The following AGXT variants were observed in gnomAD, a reference collection of about 807,000 sequenced individuals.
AGXT encodes L-alanine: glyoxylate aminotransferase 1.
Under a neutral mutation model 46.9 loss-of-function variants are expected in AGXT, and 41 were observed. The ratio of observed to expected loss-of-function variants is 0.88; its 90% CI spans 0.68 to 1.14. AGXT has a LOEUF of 1.14. AGXT is among the 50% of genes most tolerant of loss of function. The pLI, the probability that AGXT is intolerant of heterozygous loss-of-function variation, is 0.00. For missense variants in AGXT, 525 were observed against 522.7 expected, an observed-to-expected ratio of 1.00 and a Z score of -0.04; for synonymous variants, 244 against 227.9, an observed-to-expected ratio of 1.07 and a Z score of -0.64.
At chr2:240,869,454 T>C (rs2058979665) in intron 2 of AGXT, 92 bp downstream of exon 2, 3 of 1,408,382 alleles carry the variant, frequency 2.1e-6, no homozygotes, top group Non-Finnish European at 2.8e-6. Context: ...CCCCCGTTCC[T>C]GGGTGAGCGC....
At chr2:240,870,604 G>T in intron 2 of AGXT, 40 bp from the exon 3 acceptor site, 2 of 1,548,630 alleles carry the variant, frequency 1.3e-6, no homozygotes, top group South Asian at 2.4e-5. Context: ...CTTCTACAGT[G>T]TGTGCGGGAC....
At chr2:240,874,166 T>C in intron 6 of AGXT, 104 bp downstream of exon 6, 3 of 1,139,082 alleles carry the variant, frequency 2.6e-6, no homozygotes, top group South Asian at 1.3e-5. Flanking sequence ...GGGCTCCCCA[T>C]GCTCCTCCAG....
intron 8 of AGXT, 135 bp downstream of exon 8, chr2:240,876,139 G>C (rs2059023727): frequency 9.1e-7 from 1 of 1,095,056 alleles, no homozygotes; most frequent in Middle Eastern, 2.5e-4. Flanking sequence ...AGTGGGGGTG[G>C]GGGAGAGAGG....
Position 240,869,081 on chromosome 2 carries a change from C to T in AGXT, c.165+51C>T, listed in dbSNP as rs775796181. 1.7e-5 allele frequency: 27 copies of T among 1,611,724 alleles called. 1 individual carries two copies. The South Asian group carries it at 2.7e-4, about 16-fold the overall frequency. On this transcript the variant is annotated intron_variant, in intron 1 of 10. Coordinates refer to ENST00000307503, the MANE Select transcript of AGXT (RefSeq NM_000030.3). Reference sequence around the variant, plus strand: ...CCTGGGTCTCACCCATGTTCCCACCCACAGATCGTGGACGAGGGAAGGGGG... The same window carrying T: ...CCTGGGTCTCACCCATGTTCCCACCTACAGATCGTGGACGAGGGAAGGGGG...
In AGXT at chr2:240,869,275, G is replaced by A; in HGVS notation, c.271G>A (p.Val91Ile). The change falls in exon 2 of 11, where the codon GTC becomes ATC. Residue 91 changes from valine to isoleucine, a missense_variant. Transcript: ENST00000307503. ...SGHCALEAAL[V>I]NVLEPGDSFL... ...ACACTGTGCCCTGGAGGCCGCCCTG[G>A]TCAATGTGCTGGAGCCTGGGGACTC... 6.2e-7 allele frequency: 1 copy of A among 1,613,770 alleles called. No individual in the cohort carries two copies.
rs763751076 is a variant in AGXT, at chr2:240,875,132, C to T, written c.704C>T (p.Thr235Met). The change falls in exon 7 of 11, where the codon ACG (threonine) becomes ATG (methionine). Residue 235 changes from threonine (T) to methionine (M), a missense_variant. By Grantham distance (81) the Thr-to-Met change is moderately conservative (BLOSUM62 -1). Transcript: ENST00000307503. ...AGAAAGAAGATGTACTCCCGCAAGA[C>T]GAAGCCCTTCTCCTTCTACCTGGAC... ...KAKKKMYSRKTKPFSFYLDIK... is the reference protein window; with the variant it reads ...KAKKKMYSRKMKPFSFYLDIK... 45 of 1,613,538 alleles carry T rather than the reference C, an allele frequency of 2.8e-5. No individual in the cohort carries two copies. The highest frequency in any genetic ancestry group is 2.0e-4 in the African/African-American group (15 of 74,918).
intron 5 of AGXT, 66 bp from the exon 6 acceptor site, chr2:240,873,912 C>T: frequency 1.4e-6 from 2 of 1,421,528 alleles, no homozygotes; most frequent in South Asian, 1.1e-5. Flanking sequence ...GCTAGGCAGG[C>T]ATCCCGCTGG....
At position 240,872,866 on chromosome 2, in the gene AGXT, C is replaced by T. The variant is rs939304892; in HGVS notation, c.525-113C>T. On this transcript the variant is annotated intron_variant, in intron 4 of 10. Coordinates refer to ENST00000307503, the MANE Select transcript of AGXT (RefSeq NM_000030.3). ...ACTCCTGGGGTGGAGGTGGGAGGTG[C>T]CCTGCCTTCCTTGCCAGCCTGAGGC... 11 of 919,750 alleles carry T rather than the reference C, an allele frequency of 1.2e-5. No homozygotes were observed. The Admixed American group carries it at 1.9e-4, about 16-fold the overall frequency. 57.0% of individuals were successfully genotyped at this position (919,750 alleles called of 1,614,324 possible).
chr2:240,878,835 A>T lies in AGXT; in HGVS notation c.*14A>T, dbSNP rs780033387. On this transcript the variant is annotated 3_prime_UTR_variant, in exon 11 of 11. Coordinates refer to ENST00000307503, the MANE Select transcript of AGXT (RefSeq NM_000030.3). Reference sequence around the variant, plus strand: ...AAGAAGCTGTGACCTGCCCACTGGCACACAGCTGGCACTGGCACACACCTG... The same window carrying T: ...AAGAAGCTGTGACCTGCCCACTGGCTCACAGCTGGCACTGGCACACACCTG... 1 of 1,571,592 alleles carries T rather than the reference A, an allele frequency of 6.4e-7. No homozygotes were observed. Among genetic ancestry groups the T allele is most frequent in the African/African-American group, 1.3e-5 (1 of 74,488 alleles).
In AGXT at chr2:240,878,068, A is replaced by G. The variant is rs1374357325; in HGVS notation, c.989A>G (p.Tyr330Cys). Residue 330 changes from tyrosine to cysteine, a missense_variant, in exon 10 of 11, where the codon TAT becomes TGT. Coordinates refer to ENST00000307503, the MANE Select transcript of AGXT (RefSeq NM_000030.3). ...TVTTVAVPAG[Y>C]DWRDIVSYVI... ...ACCACTGTGGCTGTACCCGCTGGCTATGACTGGAGAGACATCGTCAGCTAC... is the reference window on the plus strand; with the variant it reads ...ACCACTGTGGCTGTACCCGCTGGCTGTGACTGGAGAGACATCGTCAGCTAC... 22 of 1,613,088 alleles carry G rather than the reference A, an allele frequency of 1.4e-5. No individual in the cohort carries two copies. Among genetic ancestry groups the G allele is most frequent in the Non-Finnish European group, 1.9e-5 (22 of 1,180,008 alleles).
chr2:240,877,989 T>A, intron 9 of AGXT, 33 bp from the exon 10 acceptor site: 1 of 1,606,750 alleles, frequency 6.2e-7, no homozygotes. Context: ...ACAGGGCCTC[T>A]CACCCACGCA....
Position 240,868,891 on chromosome 2 carries a change from C to A in AGXT, c.26C>A (p.Thr9Asn), listed in dbSNP as rs115014558. ...ATGGCCTCTCACAAGCTGCTGGTGA[C>A]CCCCCCCAAGGCCCTGCTCAAGCCC... Reference protein sequence around the residue: MASHKLLVTPPKALLKPLS... With the variant: MASHKLLVNPPKALLKPLS... The change falls in exon 1 of 11, where the codon ACC becomes AAC. Residue 9 changes from threonine (T) to asparagine (N), a missense_variant. Thr to Asn is a moderately conservative substitution (Grantham distance 65). Transcript: ENST00000307503. The A allele has an allele frequency of 8.9e-3, 14,306 of 1,611,766 alleles. 80 individuals are homozygous for A. The highest frequency in any genetic ancestry group is 0.014 in the Middle Eastern group (86 of 6,054).
chr2:240,876,958 C>T (rs2059027672), intron 8 of AGXT: 2 of 231,090 alleles, frequency 8.7e-6, no homozygotes, highest in Non-Finnish European at 8.8e-6. Flanking sequence ...AGAAGACGGG[C>T]CAGGGCCAGA....
chr2:240,874,149 G>A, intron 6 of AGXT, 87 bp downstream of exon 6: 1 of 1,309,830 alleles, frequency 7.6e-7, no homozygotes, highest in Non-Finnish European at 1.1e-6. Context: ...CGGGAGCCAG[G>A]CAGGAAGGGC....
rs746671476 is a variant in AGXT, at chr2:240,872,965, C to A, written c.525-14C>A. 5.1e-5 allele frequency: 82 copies of A among 1,613,288 alleles called. No homozygotes were observed. In the South Asian group the frequency reaches 8.1e-4, roughly 16 times the overall value. On this transcript the variant is annotated splice_polypyrimidine_tract_variant and intron_variant, in intron 4 of 10. Coordinates refer to ENST00000307503, the MANE Select transcript of AGXT (RefSeq NM_000030.3). ...CTCACCTGCTGCCCTCCATTCTGTC[C>A]CCCACCTCTCCAGGTACAAGTGCCT...
At chr2:240,876,962 G>A (rs985399014) in intron 8 of AGXT, 1 of 234,066 alleles carries the variant, frequency 4.3e-6, no homozygotes, top group Non-Finnish European at 8.7e-6. Context: ...GACGGGCCAG[G>A]GCCAGAGTAG....
rs375712696 is a variant in AGXT, at chr2:240,868,896, C to A, written c.31C>A (p.Pro11Thr). The A allele has an allele frequency of 3.4e-5, 55 of 1,612,982 alleles. No homozygotes were observed. The highest frequency in any genetic ancestry group is 4.5e-5 in the East Asian group (2 of 44,880). The change falls in exon 1 of 11, where the codon CCC becomes ACC. Residue 11 changes from proline to threonine, a missense_variant. By Grantham distance (38) the Pro-to-Thr change is conservative. Transcript: ENST00000307503. ...CTCTCACAAGCTGCTGGTGACCCCC[C>A]CCAAGGCCCTGCTCAAGCCCCTCTC... MASHKLLVTP[P>T]KALLKPLSIP...
chr2:240,879,260 T>C lies in AGXT; in HGVS notation c.*439T>C. On this transcript the variant is annotated 3_prime_UTR_variant, in exon 11 of 11. Coordinates refer to ENST00000307503, the MANE Select transcript of AGXT (RefSeq NM_000030.3). ...CCTGGAGGAGGTGCTGTCACCACAC[T>C]CTAGCCCCAGATGTCACACCCCCAA... The C allele has an allele frequency of 4.0e-6, 1 of 251,694 alleles. No individual in the cohort carries two copies. The highest frequency in any genetic ancestry group is 7.8e-6 in the Non-Finnish European group (1 of 128,216). The allele number at this position is 251,694 out of a possible 1,614,324, so 15.6% of individuals were successfully genotyped here. A position where few individuals can be genotyped will look rare whatever the true frequency, so the allele number is the denominator to read the frequency against.
intron 8 of AGXT, 46 bp from the exon 9 acceptor site, chr2:240,877,491 C>A: frequency 1.3e-6 from 2 of 1,495,426 alleles, no homozygotes; most frequent in Non-Finnish European, 1.8e-6. Context: ...GGGCTTCCTG[C>A]CCACCCCACC....
Sources: gnomAD v4.1 joint callset for allele counts on GRCh38, gnomAD v4.1.1 for gene constraint, MANE v1.5 for transcripts, NCBI Gene and HGNC (gene_info 2026-07-23, HGNC 2026-07-21) for gene names.